MTOR: variants seen among roughly 807,000 people sequenced by gnomAD.
The protein encoded by MTOR is serine/threonine-protein kinase mTOR.
MTOR carries 70 observed loss-of-function variants against 319.8 expected under a neutral mutation model. The observed-to-expected ratio is 0.22, with a 90% CI of 0.18 to 0.27. MTOR has a LOEUF of 0.27. Ranked by LOEUF, MTOR falls within the 10% of genes least tolerant of loss-of-function variation. The pLI is 1.00. For missense variants in MTOR, 1,890 were observed against 3,274.4 expected (o/e 0.58, Z 10.32); for synonymous variants, 1,183 against 1,211.4 (o/e 0.98, Z 0.49).
chr1:11,209,583 T>G, intron 24 of MTOR, 125 bp from the exon 25 acceptor site: 1 of 1,130,426 alleles, frequency 8.8e-7, no homozygotes, highest in Non-Finnish European at 1.3e-6. Flanking sequence ...AGTAAAAAGT[T>G]GCACATATGG....
At chr1:11,233,284 G>A (rs762796859) in intron 15 of MTOR, 114 bp downstream of exon 15, 567 of 968,464 alleles carry the variant, frequency 5.9e-4, no homozygotes, top group Non-Finnish European at 7.5e-4. Flanking sequence ...GCTGGGTTCC[G>A]CAATAAATAT....
At chr1:11,138,062 T>C (rs572922156) in intron 36 of MTOR, among the ~76,000 whole-genome samples, 1 of 152,348 alleles carries the variant, frequency 6.6e-6, no homozygotes, top group South Asian at 2.1e-4. Flanking sequence ...AGAAAGACTA[T>C]TCCATGGAGA....
At chr1:11,113,028 C>CA in intron 53 of MTOR, 111 bp from the exon 54 acceptor site, 6 of 1,133,716 alleles carry the variant, frequency 5.3e-6, no homozygotes, top group Non-Finnish European at 6.4e-6. Context: ...GCTATAGCCC[C>CA]AAAAAAAGAG....
chr1:11,146,927 T>C (rs901246978), intron 31 of MTOR, 136 bp from the exon 32 acceptor site: 6 of 644,352 alleles, frequency 9.3e-6, no homozygotes, highest in African/African-American at 9.1e-5. Context: ...TTGAGCCTCA[T>C]GTACCAAAAT....
At chr1:11,144,893 T>C in intron 33 of MTOR, 75 bp downstream of exon 33, 1 of 1,559,444 alleles carries the variant, frequency 6.4e-7, no homozygotes. Flanking sequence ...GCCTGTAAGT[T>C]CTCAATAGCC....
chr1:11,150,577 G>A (rs987589090), intron 30 of MTOR, among the ~76,000 whole-genome samples: 34 of 152,174 alleles, frequency 2.2e-4, no homozygotes, highest in Middle Eastern at 3.2e-3. Context: ...AAAGCAATCT[G>A]AAGAGACGCA....
chr1:11,194,944 C>G lies in MTOR; in HGVS notation c.4253+4314G>C. On this transcript the variant is annotated intron_variant, in intron 28 of 57. Coordinates refer to ENST00000361445, the MANE Select transcript of MTOR (RefSeq NM_004958.4). The stretch of plus-strand genomic sequence containing the variant: ...CACAATAAGCACCTGGATGGCATCA[C>G]CTGGTATGGCTGGCATGGATCTACC... 1 of 1,614,092 alleles carries G rather than the reference C, an allele frequency of 6.2e-7. No individual in the cohort carries two copies. The highest frequency in any genetic ancestry group is 8.5e-7 in the Non-Finnish European group (1 of 1,180,030).
Position 11,130,702 on chromosome 1 carries a change from TCTC to T in MTOR, c.5437_5439del (p.Glu1813del), listed in dbSNP as rs1643104340. On this transcript the variant is annotated inframe_deletion, in exon 39 of 58. Coordinates refer to ENST00000361445, the MANE Select transcript of MTOR (RefSeq NM_004958.4). ...CCGCTGGCATGACGCAGTTTCTTCTTCTCATCGCGGGCTTGGTTCTGATGTTTG... is the reference window on the plus strand; with the variant it reads ...CCGCTGGCATGACGCAGTTTCTTCTTATCGCGGGCTTGGTTCTGATGTTTG... The T allele has an allele frequency of 6.2e-7, 1 of 1,606,110 alleles. No individual in the cohort carries two copies. Among genetic ancestry groups the T allele is most frequent in the East Asian group, 2.2e-5 (1 of 44,716 alleles).
chr1:11,189,980 A>C, intron 28 of MTOR: 1 of 1,578,640 alleles, frequency 6.3e-7, no homozygotes, highest in South Asian at 1.2e-5. Context: ...CCCCTGAGGG[A>C]GCGTGGAGTG....
chr1:11,245,839 G>T (rs1168304674), intron 8 of MTOR, among the ~76,000 whole-genome samples: 2 of 152,126 alleles, frequency 1.3e-5, no homozygotes, highest in African/African-American at 4.8e-5. Flanking sequence ...GAGCTCAGTA[G>T]GTCATGGCTG....
chr1:11,257,077 T>C lies in MTOR; in HGVS notation c.360A>G (p.Pro120=). The change falls in exon 4 of 58, where the codon CCA becomes CCG. Residue 120 remains proline (P), a synonymous_variant. Transcript: ENST00000361445. ...YLRNLLPSND[P]VVMEMASKAI... is the part of the protein sequence containing the mutation. ...CCTTGGATGCCATTTCCATGACAACTGGGTCATTGGAGGGGAGGAGGTTCC... is the reference window on the plus strand; with the variant it reads ...CCTTGGATGCCATTTCCATGACAACCGGGTCATTGGAGGGGAGGAGGTTCC... 6.2e-7 allele frequency: 1 copy of C among 1,614,132 alleles called. No individual in the cohort carries two copies. The highest frequency in any genetic ancestry group is 8.5e-7 in the Non-Finnish European group (1 of 1,180,010).
intron 4 of MTOR, 41 bp from the exon 5 acceptor site, chr1:11,256,233 A>G (rs1177302768): frequency 6.3e-7 from 1 of 1,587,248 alleles, no homozygotes; most frequent in Admixed American, 1.8e-5. Flanking sequence ...TTGGTACCAG[A>G]GTTTTGTTCT....
intron 15 of MTOR, chr1:11,232,934 A>C: frequency 1.4e-6 from 1 of 718,434 alleles, no homozygotes; most frequent in Non-Finnish European, 2.5e-6. Flanking sequence ...CTCCACCATC[A>C]TGGTGTGTGC....
intron 54 of MTOR, among the ~76,000 whole-genome samples, chr1:11,110,704 T>C (rs1395355007): frequency 6.6e-6 from 1 of 152,096 alleles, no homozygotes; most frequent in Admixed American, 6.6e-5. Context: ...GTGATAGTTA[T>C]ACTTCTATTA....
At chr1:11,224,034 G>A (rs12730522) in intron 19 of MTOR, among the ~76,000 whole-genome samples, 83,577 of 138,830 alleles carry the variant, frequency 0.6, 27,073 homozygotes, top group East Asian at 0.79. Flanking sequence ...GCGATACTCC[G>A]TCTCAAAATA....
intron 28 of MTOR, among the ~76,000 whole-genome samples, chr1:11,172,686 T>C (rs970188334): frequency 6.6e-6 from 1 of 151,600 alleles, no homozygotes; most frequent in African/African-American, 2.4e-5. Context: ...CTGGCCAACA[T>C]GGTGAAACCC....
intron 28 of MTOR, among the ~76,000 whole-genome samples, chr1:11,190,624 T>A (rs1456074969): frequency 6.6e-6 from 1 of 152,204 alleles, no homozygotes; most frequent in Non-Finnish European, 1.5e-5. Context: ...AATATAGACT[T>A]AATAGGCCAA....
chr1:11,159,095 G>T (rs1195141140), intron 29 of MTOR, among the ~76,000 whole-genome samples: 1 of 152,190 alleles, frequency 6.6e-6, no homozygotes, highest in Non-Finnish European at 1.5e-5. Flanking sequence ...TGAGTATGGG[G>T]TATAAACCAT....
chr1:11,253,193 C>G (rs1420778739), intron 6 of MTOR, among the ~76,000 whole-genome samples: 1 of 152,118 alleles, frequency 6.6e-6, no homozygotes, highest in Admixed American at 6.5e-5. Flanking sequence ...AGCTTCCTCC[C>G]CATATTCTCT....
Sources: allele counts gnomAD v4.1 joint callset (sites outside exome capture counted in the v4.1 genomes callset), GRCh38; gene constraint gnomAD v4.1.1; transcripts MANE v1.5; gene names NCBI Gene and HGNC (gene_info 2026-07-23, HGNC 2026-07-21).